The following SOX8 variants were observed in gnomAD, a reference collection of about 807,000 sequenced individuals.
SOX8 encodes transcription factor SOX-8.
Under a neutral mutation model 22.9 loss-of-function variants are expected in SOX8, and 9 were observed. The ratio of observed to expected loss-of-function variants is 0.39; its 90% CI spans 0.24 to 0.69. The LOEUF (loss-of-function observed/expected upper bound fraction) is 0.69, where lower values mean the gene tolerates loss of function less well. Among genes scored for constraint, SOX8 ranks in the 30% least tolerant of loss-of-function variants. SOX8 has a pLI of 0.43. For missense variants in SOX8, 734 were observed against 699.4 expected, an observed-to-expected ratio of 1.05 and a Z score of -0.56; for synonymous variants, 416 against 330.6, an observed-to-expected ratio of 1.26 and a Z score of -2.80.
At position 984,816 on chromosome 16, in the gene SOX8, G is replaced by A. The variant is rs780687146; in HGVS notation, c.771G>A (p.Gln257=). 1.2e-6 allele frequency: 2 copies of A among 1,611,324 alleles called. No homozygotes were observed. The highest frequency in any genetic ancestry group is 3.3e-5 in the Admixed American group (2 of 59,940). The change falls in exon 3 of 3, where the codon CAG becomes CAA. Residue 257 remains glutamine, a synonymous_variant. Coordinates refer to ENST00000293894, the MANE Select transcript of SOX8 (RefSeq NM_014587.5). ...GCCGGCCGGTGGACAGCGGGCGCCA[G>A]AACATCGACTTCAGCAACGTGGACA... is the stretch of plus-strand genomic sequence containing the variant. ...EGRRPVDSGR[Q]NIDFSNVDIS...
At position 985,945 on chromosome 16, in the gene SOX8, C is replaced by A. The variant is rs985640527; in HGVS notation, c.*559C>A. ...TCTCCTTGCTGGCAGAGTGCGCTCA[C>A]GCGAGGGCTGGCTGTGATGAACACA... On this transcript the variant is annotated 3_prime_UTR_variant, in exon 3 of 3. Transcript: ENST00000293894. 1 of 153,914 alleles carries A rather than the reference C, an allele frequency of 6.5e-6. No homozygotes were observed. Among genetic ancestry groups the A allele is most frequent in the East Asian group, 1.9e-4 (1 of 5,242 alleles). The allele number at this position is 153,914 out of a possible 1,614,324, so 9.5% of individuals were successfully genotyped here.
At position 981,874 on chromosome 16, in the gene SOX8, C is replaced by T; in HGVS notation, c.-49C>T. ...AGCGACCGCAGGGCAGCCCCGGGCG[C>T]CGGCCCCGGTGCGCGTCTCCTGTGC... is the stretch of plus-strand genomic sequence containing the variant. On this transcript the variant is annotated 5_prime_UTR_variant, in exon 1 of 3. Coordinates refer to ENST00000293894, the MANE Select transcript of SOX8 (RefSeq NM_014587.5). 4.5e-6 allele frequency: 5 copies of T among 1,122,588 alleles called. No individual in the cohort carries two copies. The South Asian group carries it at 1.6e-4, about 36-fold the overall frequency. The allele number at this position is 1,122,588 out of a possible 1,614,324, so 69.5% of individuals were successfully genotyped here.
At chr16:983,413 C>G (rs1489469957) in intron 1 of SOX8, 1 of 233,940 alleles carries the variant, frequency 4.3e-6, no homozygotes, top group Non-Finnish European at 8.2e-6. Context: ...TCCCCCGCCT[C>G]CCTTAGAAAG....
In SOX8 at chr16:985,491, G is replaced by C; in HGVS notation, c.*105G>C. ...GGGCCCCAGTGGCTGAGCTCCAAGT[G>C]CCTGCTGAAGTCTGCAGGGAAACAC... is the stretch of plus-strand genomic sequence containing the variant. On this transcript the variant is annotated 3_prime_UTR_variant, in exon 3 of 3. Transcript: ENST00000293894. 3 of 932,506 alleles carry C rather than the reference G, an allele frequency of 3.2e-6. No individual in the cohort carries two copies. The highest frequency in any genetic ancestry group is 4.6e-6 in the Non-Finnish European group (3 of 648,274). The allele number at this position is 932,506 out of a possible 1,614,324, so 57.8% of individuals were successfully genotyped here.
rs750842464 is a variant in SOX8, at chr16:986,086, A to G, written c.*700A>G. The G allele has an allele frequency of 2.9e-5, 4 of 137,054 alleles. No individual in the cohort carries two copies. The highest frequency in any genetic ancestry group is 5.1e-5 in the Non-Finnish European group (3 of 58,872). 8.5% of individuals were successfully genotyped at this position (137,054 alleles called of 1,614,324 possible). On this transcript the variant is annotated 3_prime_UTR_variant, in exon 3 of 3. Transcript: ENST00000293894. ...TGTGTTATTTTATCTTTAATTAATGAGGTAATTCGGGCAAAGAGTAGAATT... is the reference window on the plus strand; with the variant it reads ...TGTGTTATTTTATCTTTAATTAATGGGGTAATTCGGGCAAAGAGTAGAATT...
Position 983,829 on chromosome 16 carries a change from G to A in SOX8, c.524G>A (p.Arg175His), listed in dbSNP as rs1373871697. 4.3e-6 allele frequency: 7 copies of A among 1,612,804 alleles called. No individual in the cohort carries two copies. The highest frequency in any genetic ancestry group is 2.2e-5 in the East Asian group (1 of 44,868). Residue 175 changes from arginine (R) to histidine (H), a missense_variant, in exon 2 of 3, where the codon CGC (arginine) becomes CAC (histidine). By Grantham distance (29) the Arg-to-His change is conservative. Around this residue, in one of 3 missense-constraint regions of SOX8, gnomAD observed 588 missense variants for 568.2 expected, o/e 1.03. Transcript: ENST00000293894. ...CCCGACTACAAGTACCAGCCACGGC[G>A]CAGGAAGAGCGCCAAAGCCGGCCAC... ...DHPDYKYQPR[R>H]RKSAKAGHSD... is the part of the protein sequence containing the mutation.
In SOX8 at chr16:983,885, C is replaced by T. The variant is rs2073431359; in HGVS notation, c.580C>T (p.Pro194Ser). 1.9e-6 allele frequency: 3 copies of T among 1,609,758 alleles called. No individual in the cohort carries two copies. Among genetic ancestry groups the T allele is most frequent in the Non-Finnish European group, 1.7e-6 (2 of 1,178,300 alleles). Reference protein sequence around the residue: ...SDSDSGAELGPHPGGGAVYKA... With the variant: ...SDSDSGAELGSHPGGGAVYKA... ...CTCCGACTCGGGCGCGGAGCTGGGA[C>T]CCCACCCTGGCGGCGGTGCCGTGTA... The change falls in exon 2 of 3, where the codon CCC (proline) becomes TCC (serine). Residue 194 changes from proline to serine, a missense_variant. Physicochemically the swap from Pro to Ser is moderately conservative, Grantham distance 74. Around this residue, in one of 3 missense-constraint regions of SOX8, gnomAD observed 588 missense variants for 568.2 expected, o/e 1.03. Transcript: ENST00000293894.
rs1356679439 is a variant in SOX8, at chr16:982,336, G to A, written c.414G>A (p.Lys138=). The part of the protein sequence containing the change: ...HNAELSKTLG[K]LWRLLSESEK... ...CCGAGCTCAGCAAGACGCTGGGCAA[G>A]CTGTGGCGGTGAGTGCCGGCGCCCC... is the stretch of plus-strand genomic sequence containing the variant. The change falls in exon 1 of 3, where the codon AAG becomes AAA. Residue 138 remains lysine, a synonymous_variant. Coordinates refer to ENST00000293894, the MANE Select transcript of SOX8 (RefSeq NM_014587.5). 3.6e-6 allele frequency: 5 copies of A among 1,384,370 alleles called. No individual in the cohort carries two copies. Among genetic ancestry groups the A allele is most frequent in the East Asian group, 2.8e-5 (1 of 35,200 alleles). 85.8% of individuals were successfully genotyped at this position (1,384,370 alleles called of 1,614,324 possible). A position where few individuals can be genotyped will look rare whatever the true frequency, so the allele number is the denominator to read the frequency against.
chr16:985,266 C>T lies in SOX8; in HGVS notation c.1221C>T (p.Cys407=). 6.2e-7 allele frequency: 1 copy of T among 1,611,970 alleles called. No individual in the cohort carries two copies. Among genetic ancestry groups the T allele is most frequent in the Non-Finnish European group, 8.5e-7 (1 of 1,179,628 alleles). ...CACCCGGCCTCTACCAGTACCCCTG[C>T]TTCCACTCGCCGCGCCGGCCCTACG... ...GYAPGLYQYP[C]FHSPRRPYAS... The change falls in exon 3 of 3, where the codon TGC becomes TGT. Residue 407 remains cysteine, a synonymous_variant. Coordinates refer to ENST00000293894, the MANE Select transcript of SOX8 (RefSeq NM_014587.5).
intron 1 of SOX8, chr16:983,492 C>T (rs1365483165): frequency 3.1e-5 from 13 of 415,256 alleles, no homozygotes; most frequent in Admixed American, 1.3e-4. Flanking sequence ...AGGCGTGGGG[C>T]TTGTTCTTCT....
chr16:984,442 C>T (rs2073436369), intron 2 of SOX8, among the ~76,000 whole-genome samples: 1 of 152,212 alleles, frequency 6.6e-6, no homozygotes, highest in South Asian at 2.1e-4. Flanking sequence ...CCAGGCTGGG[C>T]CTGTCGGCTT....
chr16:986,231 G>C lies in SOX8; in HGVS notation c.*845G>C, dbSNP rs147097542. The C allele has an allele frequency of 6.6e-6, 1 of 152,226 alleles. No individual in the cohort carries two copies. The highest frequency in any genetic ancestry group is 1.5e-5 in the Non-Finnish European group (1 of 68,038). The allele number at this position is 152,226 out of a possible 1,614,324, so 9.4% of individuals were successfully genotyped here. A position where few individuals can be genotyped will look rare whatever the true frequency, so the allele number is the denominator to read the frequency against. On this transcript the variant is annotated 3_prime_UTR_variant, in exon 3 of 3. Transcript: ENST00000293894. ...TATGGGAGGCCGCCCTGGAGGGCCC[G>C]GAGGTCCCAAGGTCCCTGGGAGGAC...
In SOX8 at chr16:985,518, C is replaced by T; in HGVS notation, c.*132C>T. The T allele has an allele frequency of 2.7e-6, 2 of 743,844 alleles. No homozygotes were observed. The highest frequency in any genetic ancestry group is 2.1e-6 in the Non-Finnish European group (1 of 482,304). The allele number at this position is 743,844 out of a possible 1,614,324, so 46.1% of individuals were successfully genotyped here. On this transcript the variant is annotated 3_prime_UTR_variant, in exon 3 of 3. Coordinates refer to ENST00000293894, the MANE Select transcript of SOX8 (RefSeq NM_014587.5). ...CTGCTGAAGTCTGCAGGGAAACACG[C>T]TTGCTGCCCGTGGCCCTCGGCCTCC... is the stretch of plus-strand genomic sequence containing the variant.
In SOX8 at chr16:983,931, G is replaced by C. The variant is rs781190953; in HGVS notation, c.626G>C (p.Gly209Ala). Residue 209 changes from glycine (G) to alanine (A), a missense_variant, in exon 2 of 3, where the codon GGA (glycine) becomes GCA (alanine). Transcript: ENST00000293894. ...GAVYKAEAGLGDGHHHGDHTG... is the reference protein window; with the variant it reads ...GAVYKAEAGLADGHHHGDHTG... Reference sequence around the variant, plus strand: ...GTGTACAAGGCTGAAGCAGGGCTTGGAGATGGGCACCACCATGGCGACCAC... The same window carrying C: ...GTGTACAAGGCTGAAGCAGGGCTTGCAGATGGGCACCACCATGGCGACCAC... 1.0e-5 allele frequency: 16 copies of C among 1,564,498 alleles called. No individual in the cohort carries two copies. The highest frequency in any genetic ancestry group is 1.4e-5 in the Non-Finnish European group (16 of 1,152,478).
rs1211297897 is a variant in SOX8 at position 981,776 on chromosome 16, C to G, written c.-147C>G. On this transcript the variant is annotated 5_prime_UTR_variant, in exon 1 of 3. Coordinates refer to ENST00000293894, the MANE Select transcript of SOX8 (RefSeq NM_014587.5). ...TTGTTGCGGGTCCCGCAGCGGGACC[C>G]GAGCCTCGGCGGCGGCGGCGGCGGC... 1 of 234,600 alleles carries G rather than the reference C, an allele frequency of 4.3e-6. No homozygotes were observed. The allele number at this position is 234,600 out of a possible 1,614,324, so 14.5% of individuals were successfully genotyped here. A position where few individuals can be genotyped will look rare whatever the true frequency, so the allele number is the denominator to read the frequency against.
rs1255661720 is a variant in SOX8 at position 981,955 on chromosome 16, G to A, written c.33G>A (p.Pro11=). Residue 11 remains proline (P), a synonymous_variant, in exon 1 of 3, where the codon CCG becomes CCA. Transcript: ENST00000293894. ...ACATGAGCGAGGCCCGCTCCCAGCC[G>A]CCCTGCAGCCCGTCCGGCACCGCCA... The part of the protein sequence containing the change: MLDMSEARSQ[P]PCSPSGTASS... 5 of 1,429,198 alleles carry A rather than the reference G, an allele frequency of 3.5e-6. No individual in the cohort carries two copies. Among genetic ancestry groups the A allele is most frequent in the South Asian group, 2.7e-5 (2 of 73,866 alleles). 88.5% of individuals were successfully genotyped at this position (1,429,198 alleles called of 1,614,324 possible).
Position 985,074 on chromosome 16 carries a change from G to C in SOX8, c.1029G>C (p.Pro343=). 1.9e-6 allele frequency: 3 copies of C among 1,585,546 alleles called. No homozygotes were observed. The highest frequency in any genetic ancestry group is 2.6e-6 in the Non-Finnish European group (3 of 1,172,980). Residue 343 remains proline (P), a synonymous_variant, in exon 3 of 3, where the codon CCG becomes CCC. Coordinates refer to ENST00000293894, the MANE Select transcript of SOX8 (RefSeq NM_014587.5). The part of the protein sequence containing the change: ...PPRPHIKTEQ[P]SPGHYGDQPR... The stretch of plus-strand genomic sequence containing the variant: ...GGCCGCACATCAAGACGGAGCAGCC[G>C]AGCCCCGGCCACTACGGCGACCAGC...
In SOX8 at chr16:982,018, G is replaced by T. The variant is rs763095464; in HGVS notation, c.96G>T (p.Ala32=). 6 of 1,399,934 alleles carry T rather than the reference G, an allele frequency of 4.3e-6. No individual in the cohort carries two copies. Among genetic ancestry groups the T allele is most frequent in the Non-Finnish European group, 5.6e-6 (6 of 1,076,346 alleles). 86.7% of individuals were successfully genotyped at this position (1,399,934 alleles called of 1,614,324 possible). ...MSHVEDSDSD[A]PPSPAGSEGL... is the part of the protein sequence containing the mutation. ...ACGTGGAGGACTCGGACTCGGACGCGCCGCCGTCTCCCGCCGGCTCCGAGG... is the reference window on the plus strand; with the variant it reads ...ACGTGGAGGACTCGGACTCGGACGCTCCGCCGTCTCCCGCCGGCTCCGAGG... Residue 32 remains alanine (A), a synonymous_variant, in exon 1 of 3, where the codon GCG becomes GCT. Coordinates refer to ENST00000293894, the MANE Select transcript of SOX8 (RefSeq NM_014587.5).
chr16:985,249 C>A lies in SOX8; in HGVS notation c.1204C>A (p.Leu402Ile), dbSNP rs1366869425. The A allele has an allele frequency of 1.2e-6, 2 of 1,612,168 alleles. No homozygotes were observed. Among genetic ancestry groups the A allele is most frequent in the Middle Eastern group, 1.6e-4 (1 of 6,062 alleles). Reference protein sequence around the residue: ...YGAYPGYAPGLYQYPCFHSPR... With the variant: ...YGAYPGYAPGIYQYPCFHSPR... Reference sequence around the variant, plus strand: ...TGCCTACCCTGGCTACGCACCCGGCCTCTACCAGTACCCCTGCTTCCACTC... The same window carrying A: ...TGCCTACCCTGGCTACGCACCCGGCATCTACCAGTACCCCTGCTTCCACTC... Residue 402 changes from leucine to isoleucine, a missense_variant, in exon 3 of 3, where the codon CTC becomes ATC. This residue lies in a region of SOX8 where 588 missense variants were observed against 568.2 expected (regional missense o/e 1.03). Transcript: ENST00000293894.
Sources: gnomAD v4.1 joint callset for allele counts (sites outside exome capture counted in the v4.1 genomes callset) on GRCh38, gnomAD v4.1.1 for gene constraint, gnomAD v4.1.1 regional missense constraint, MANE v1.5 for transcripts, NCBI Gene and HGNC (gene_info 2026-07-23, HGNC 2026-07-21) for gene names.